EMSY: variants seen among roughly 807,000 people sequenced by gnomAD.
The protein encoded by EMSY is EMSY transcriptional repressor, BRCA2 interacting, also known as BRCA2-interacting transcriptional repressor EMSY.
A neutral mutation model predicts 134.6 loss-of-function variants in EMSY; 26 were observed. The ratio of observed to expected loss-of-function variants is 0.19; its 90% CI spans 0.14 to 0.27. EMSY has a LOEUF of 0.27. EMSY is among the 10% of genes least tolerant of loss of function. The pLI is 1.00. For synonymous variants in EMSY, 579 were observed against 577.8 expected, an observed-to-expected ratio of 1.00 and a Z score of -0.03; for missense variants, 1,305 against 1,611.4, an observed-to-expected ratio of 0.81 and a Z score of 3.26.
intron 7 of EMSY, among the ~76,000 whole-genome samples, chr11:76,472,332 C>T (rs943038418): frequency 6.6e-6 from 1 of 152,136 alleles, no homozygotes. Flanking sequence ...GTATCTTATA[C>T]AGCGTTGATG....
rs201002831 is a variant in EMSY at position 76,496,375 on chromosome 11, G to A, written c.1269G>A (p.Val423=). 2.2e-5 allele frequency: 35 copies of A among 1,614,126 alleles called. 1 individual carries two copies. The African/African-American group carries it at 3.6e-4, about 17-fold the overall frequency. The change falls in exon 9 of 21, where the codon GTG becomes GTA. Residue 423 remains valine (V), a synonymous_variant. Coordinates refer to ENST00000334736, the Ensembl canonical transcript of EMSY. ...TGCAACAGCAGACACAGCAACAAGTGGCCCAGCCTTCTCCAGTATCTCATC... is the reference window on the plus strand; with the variant it reads ...TGCAACAGCAGACACAGCAACAAGTAGCCCAGCCTTCTCCAGTATCTCATC...
intron 15 of EMSY, 74 bp from the exon 17 acceptor site, chr11:76,537,721 A>T: frequency 7.4e-7 from 1 of 1,356,938 alleles, no homozygotes; most frequent in Non-Finnish European, 1.0e-6. Flanking sequence ...CTGGTTCATT[A>T]TTCCTGTGGA....
chr11:76,466,567 T>C (rs1948360612), intron 7 of EMSY, among the ~76,000 whole-genome samples: 1 of 152,230 alleles, frequency 6.6e-6, no homozygotes, highest in African/African-American at 2.4e-5. Context: ...GTATGGTCTT[T>C]CAACCTTTGA....
chr11:76,515,441 G>A (rs1157004572), intron 10 of EMSY, among the ~76,000 whole-genome samples: 1 of 152,122 alleles, frequency 6.6e-6, no homozygotes, highest in Non-Finnish European at 1.5e-5. Flanking sequence ...AAAGAAAAAA[G>A]TGTTAGAAAT....
chr11:76,485,917 T>G (rs1949159206), intron 8 of EMSY, among the ~76,000 whole-genome samples: 1 of 152,156 alleles, frequency 6.6e-6, no homozygotes, highest in Admixed American at 6.5e-5. Context: ...ACCCAAAGGA[T>G]TATACATCAT....
chr11:76,459,050 T>TA (rs1362293464), intron 5 of EMSY: 2 of 152,244 alleles, frequency 1.3e-5, no homozygotes, highest in African/African-American at 4.8e-5. Context: ...ACACTTTTTT[T>TA]ATGCATGACA....
chr11:76,510,404 G>T (rs1012191198), intron 9 of EMSY, among the ~76,000 whole-genome samples: 2 of 152,192 alleles, frequency 1.3e-5, no homozygotes, highest in Admixed American at 6.5e-5. Context: ...AAATGCCATT[G>T]ATACAGACCT....
At chr11:76,532,474 C>A (rs1269387016) in intron 14 of EMSY, among the ~76,000 whole-genome samples, 2 of 151,888 alleles carry the variant, frequency 1.3e-5, no homozygotes, top group Admixed American at 1.3e-4. Flanking sequence ...TAAGGCCATC[C>A]TCGCCTAGGT....
intron 2 of EMSY, 95 bp from the exon 3 acceptor site, chr11:76,451,763 T>C: frequency 1.8e-6 from 1 of 565,850 alleles, no homozygotes; most frequent in Non-Finnish European, 2.9e-6. Flanking sequence ...TTTATTTAAT[T>C]ATTTTTAGTT....
intron 3 of EMSY, among the ~76,000 whole-genome samples, chr11:76,453,015 T>C (rs1235216728): frequency 6.6e-6 from 1 of 152,236 alleles, no homozygotes; most frequent in Non-Finnish European, 1.5e-5. Flanking sequence ...TCTGCTAATC[T>C]TACCCATGGT....
chr11:76,550,211 A>G, exon 21 of EMSY: 1 of 1,334,356 alleles, frequency 7.5e-7, no homozygotes, highest in Non-Finnish European at 9.8e-7. Context: ...AAACCCTTGT[A>G]TTTTGATGAC....
chr11:76,531,609 A>G (rs1298652346), intron 14 of EMSY, among the ~76,000 whole-genome samples: 2 of 152,140 alleles, frequency 1.3e-5, no homozygotes, highest in African/African-American at 4.8e-5. Flanking sequence ...GGTTAAGATG[A>G]TGTCTTCTAG....
chr11:76,537,171 AAGT>A (rs1638662321), intron 15 of EMSY, among the ~76,000 whole-genome samples: 1 of 152,232 alleles, frequency 6.6e-6, no homozygotes, highest in South Asian at 2.1e-4. Context: ...TTTTGTAGAA[AAGT>A]TGATAACAAG....
chr11:76,446,964 T>C, exon 2 of EMSY: 1 of 1,613,864 alleles, frequency 6.2e-7, no homozygotes, highest in Non-Finnish European at 8.5e-7. Flanking sequence ...CCAACCCTTC[T>C]GGATCTCAGC....
intron 19 of EMSY, 115 bp from the exon 21 acceptor site, chr11:76,545,682 A>T: frequency 1.6e-6 from 2 of 1,276,256 alleles, no homozygotes; most frequent in Non-Finnish European, 2.1e-6. Flanking sequence ...AAGCTTCAAA[A>T]CTGTCTTCCT....
At chr11:76,521,222 A>C (rs760236863) in intron 11 of EMSY, among the ~76,000 whole-genome samples, 1 of 152,222 alleles carries the variant, frequency 6.6e-6, no homozygotes, top group Non-Finnish European at 1.5e-5. Context: ...TAATTAGATC[A>C]AAATGGTAGA....
chr11:76,462,838 G>A (rs189989573), intron 6 of EMSY, among the ~76,000 whole-genome samples: 2 of 152,316 alleles, frequency 1.3e-5, no homozygotes, highest in East Asian at 1.9e-4. Flanking sequence ...ATCTTGTAGG[G>A]AGATAAAAAC....
chr11:76,516,049 T>G, intron 10 of EMSY, 93 bp from the exon 12 acceptor site: 1 of 1,110,358 alleles, frequency 9.0e-7, no homozygotes, highest in Non-Finnish European at 1.3e-6. Flanking sequence ...GTTATAGCAA[T>G]GTAGATTATA....
chr11:76,473,508 C>T (rs1217779263), intron 8 of EMSY, among the ~76,000 whole-genome samples: 1 of 151,660 alleles, frequency 6.6e-6, no homozygotes, highest in Non-Finnish European at 1.5e-5. Flanking sequence ...GGGGTCTCAC[C>T]ATGTTGCCCA....
Sources: allele counts gnomAD v4.1 joint callset (sites outside exome capture counted in the v4.1 genomes callset), GRCh38; gene constraint gnomAD v4.1.1; transcripts MANE v1.5; gene names NCBI Gene and HGNC (gene_info 2026-07-23, HGNC 2026-07-21).